CORIN: variants seen among roughly 807,000 people sequenced by gnomAD.
The protein encoded by CORIN is corin, serine peptidase, also known as atrial natriuretic peptide-converting enzyme.
Under a neutral mutation model 125.3 loss-of-function variants are expected in CORIN, and 117 were observed. The ratio of observed to expected loss-of-function variants is 0.93; its 90% CI spans 0.80 to 1.09. The LOEUF (loss-of-function observed/expected upper bound fraction) is 1.09. Ranked by LOEUF, CORIN falls within the 50% of genes least tolerant of loss-of-function variation. The pLI, the probability that CORIN is intolerant of heterozygous loss-of-function variation, is 0.00. For missense variants in CORIN, 1,253 were observed against 1,306.7 expected (o/e 0.96, Z 0.63); for synonymous variants, 450 against 466.4 (o/e 0.96, Z 0.45).
intron 13 of CORIN, among the ~76,000 whole-genome samples, chr4:47,648,888 C>A (rs1723610475): frequency 6.6e-6 from 1 of 152,166 alleles, no homozygotes. Context: ...GCTGTAGCAG[C>A]CAGAGTACAG....
intron 5 of CORIN, among the ~76,000 whole-genome samples, chr4:47,704,966 T>C (rs1235117676): frequency 6.6e-6 from 1 of 152,164 alleles, no homozygotes; most frequent in African/African-American, 2.4e-5. Flanking sequence ...CCTGATCCCC[T>C]CAACTGGTGA....
chr4:47,763,540 G>T lies in CORIN; in HGVS notation c.456C>A (p.Tyr152Ter). The change falls in exon 4 of 22, where the codon TAC (tyrosine) becomes TAA (stop). Residue 152 changes from tyrosine (Y) to a stop codon, truncating the protein, a stop_gained. Transcript: ENST00000273857. LOFTEE classifies it high-confidence loss of function. ...ITHSQCQMLP[Y>*]HATLTPLLSV... ...AGAGGAGAGGTGTCAGCGTGGCGTG[G>T]TAGGGCAGCATCTGACACTGGCTGT... The T allele has an allele frequency of 6.2e-7, 1 of 1,614,192 alleles. No homozygotes were observed. Among genetic ancestry groups the T allele is most frequent in the South Asian group, 1.1e-5 (1 of 91,082 alleles).
intron 1 of CORIN, among the ~76,000 whole-genome samples, chr4:47,824,583 A>T (rs935908887): frequency 1.3e-5 from 2 of 152,222 alleles, no homozygotes; most frequent in African/African-American, 4.8e-5. Context: ...CAGCCTCCCA[A>T]AGTGCTGGGA....
At chr4:47,775,872 G>T (rs1440395472) in intron 3 of CORIN, among the ~76,000 whole-genome samples, 1 of 152,162 alleles carries the variant, frequency 6.6e-6, no homozygotes, top group Non-Finnish European at 1.5e-5. Context: ...CCATTTCTAT[G>T]GATTTGGGGC....
intron 5 of CORIN, among the ~76,000 whole-genome samples, chr4:47,714,526 G>A (rs1419085570): frequency 6.6e-6 from 1 of 152,136 alleles, no homozygotes; most frequent in Non-Finnish European, 1.5e-5. Context: ...CTGGAACTAC[G>A]ATTTTCTAAT....
chr4:47,597,365 A>AAG (rs1721294908), intron 21 of CORIN, among the ~76,000 whole-genome samples: 4 of 151,654 alleles, frequency 2.6e-5, no homozygotes, highest in Admixed American at 1.3e-4. Context: ...AAAAAAAAAA[A>AAG]AAGAAGAAGA....
chr4:47,795,990 T>C (rs73135989), intron 2 of CORIN, among the ~76,000 whole-genome samples: 1,527 of 152,106 alleles, frequency 0.01, 24 homozygotes, highest in African/African-American at 0.033. Flanking sequence ...TGTGAAGAAA[T>C]TGAAACCCTT....
At chr4:47,708,590 G>A (rs577074766) in intron 5 of CORIN, among the ~76,000 whole-genome samples, 9 of 152,186 alleles carry the variant, frequency 5.9e-5, no homozygotes, top group African/African-American at 1.7e-4. Context: ...CCTACCACAG[G>A]TGCCTTAATA....
chr4:47,687,103 A>G (rs1577827787), intron 6 of CORIN, among the ~76,000 whole-genome samples: 2 of 152,318 alleles, frequency 1.3e-5, no homozygotes, highest in South Asian at 4.1e-4. Flanking sequence ...TCAACTTTCT[A>G]CTATTATAAC....
intron 5 of CORIN, among the ~76,000 whole-genome samples, chr4:47,736,497 GTTTTA>G (rs1728142733): frequency 1.3e-5 from 2 of 152,176 alleles, no homozygotes. Context: ...CTTTTTTAAA[GTTTTA>G]TTTTAAGTTC....
In CORIN at chr4:47,786,859, T is replaced by C. The variant is rs1314770932; in HGVS notation, c.275A>G (p.Gln92Arg). Residue 92 changes from glutamine to arginine, a missense_variant, in exon 3 of 22, where the codon CAA (glutamine) becomes CGA (arginine). Coordinates refer to ENST00000273857, the MANE Select transcript of CORIN (RefSeq NM_006587.4). The part of the protein sequence containing the change: ...SEPLVTDGEI[Q>R]GSDVILTNTI... The stretch of plus-strand genomic sequence containing the variant: ...ATTTGTAAGAATAACATCGGACCCT[T>C]GGATTTCACCATCAGTGACCAAAGG... 8 of 1,613,990 alleles carry C rather than the reference T, an allele frequency of 5.0e-6. No homozygotes were observed. Among genetic ancestry groups the C allele is most frequent in the East Asian group, 2.2e-5 (1 of 44,884 alleles).
chr4:47,638,122 G>T (rs1034837901), intron 16 of CORIN, among the ~76,000 whole-genome samples: 6 of 152,200 alleles, frequency 3.9e-5, no homozygotes, highest in Non-Finnish European at 1.5e-5. Flanking sequence ...GACTTGCATG[G>T]GGCCTGTAGC....
chr4:47,777,906 A>T (rs1730369204), intron 3 of CORIN, among the ~76,000 whole-genome samples: 1 of 152,242 alleles, frequency 6.6e-6, no homozygotes, highest in Non-Finnish European at 1.5e-5. Context: ...AACCTGAGAC[A>T]GTCAACAAAT....
At chr4:47,828,390 A>G (rs977951729) in intron 1 of CORIN, among the ~76,000 whole-genome samples, 7 of 152,182 alleles carry the variant, frequency 4.6e-5, no homozygotes, top group African/African-American at 1.7e-4. Flanking sequence ...CTGGGAGGAG[A>G]GAGGGCTAGA....
At chr4:47,783,019 A>G (rs556424762) in intron 3 of CORIN, among the ~76,000 whole-genome samples, 1 of 152,244 alleles carries the variant, frequency 6.6e-6, no homozygotes, top group East Asian at 1.9e-4. Flanking sequence ...AGATGTGATA[A>G]GAGAACAGAA....
intron 2 of CORIN, among the ~76,000 whole-genome samples, chr4:47,802,287 G>C (rs548640882): frequency 4.6e-5 from 7 of 152,200 alleles, no homozygotes; most frequent in Non-Finnish European, 1.0e-4. Flanking sequence ...CCTCGGTGGG[G>C]TAGGGCACCA....
At chr4:47,752,121 G>C (rs538053111) in intron 4 of CORIN, among the ~76,000 whole-genome samples, 1 of 152,000 alleles carries the variant, frequency 6.6e-6, no homozygotes, top group South Asian at 2.1e-4. Context: ...TGTAAGCTTC[G>C]CAGTGAGTTT....
At chr4:47,621,483 T>C (rs1343553442) in intron 19 of CORIN, among the ~76,000 whole-genome samples, 1 of 152,220 alleles carries the variant, frequency 6.6e-6, no homozygotes, top group South Asian at 2.1e-4. Context: ...GAATCTTCAG[T>C]GAGCATAATA....
At chr4:47,676,387 C>T (rs1261118293) in intron 9 of CORIN, among the ~76,000 whole-genome samples, 1 of 152,188 alleles carries the variant, frequency 6.6e-6, no homozygotes, top group African/African-American at 2.4e-5. Flanking sequence ...TAACCCCACT[C>T]ATCCTTCAGG....
Sources: gnomAD v4.1 joint callset for allele counts (sites outside exome capture counted in the v4.1 genomes callset) on GRCh38, gnomAD v4.1.1 for gene constraint, MANE v1.5 for transcripts, NCBI Gene and HGNC (gene_info 2026-07-23, HGNC 2026-07-21) for gene names.